Variants in CMSS1 observed in about 807,000 individuals in gnomAD.
CMSS1 encodes the protein cms1 ribosomal small subunit homolog, also known as protein CMSS1.
CMSS1 carries 33 observed loss-of-function variants against 43.5 expected under a neutral mutation model. That is an observed-to-expected ratio of 0.76 (90% CI 0.57 to 1.01). The LOEUF is 1.01. CMSS1 is among the 50% of genes least tolerant of loss of function. CMSS1 has a pLI of 0.00. For missense variants in CMSS1, 313 were observed against 326.4 expected, an observed-to-expected ratio of 0.96 and a Z score of 0.32; for synonymous variants, 115 against 117.2, an observed-to-expected ratio of 0.98 and a Z score of 0.12.
intron 1 of CMSS1, among the ~76,000 whole-genome samples, chr3:99,929,097 C>G (rs1387309578): frequency 1.3e-5 from 2 of 152,138 alleles, no homozygotes; most frequent in East Asian, 3.8e-4. Context: ...CTAGTTGTTT[C>G]TTTTCTATAA....
chr3:99,826,321 T>A (rs971142624), intron 1 of CMSS1, among the ~76,000 whole-genome samples: 1 of 152,188 alleles, frequency 6.6e-6, no homozygotes, highest in African/African-American at 2.4e-5. Context: ...AGACCAGAGG[T>A]CAGCAAACTT....
At chr3:99,848,839 A>T in intron 1 of CMSS1, 4 of 1,614,080 alleles carry the variant, frequency 2.5e-6, no homozygotes, top group Non-Finnish European at 3.4e-6. Flanking sequence ...GAGGATGGTT[A>T]TCCTTTGCTT....
intron 1 of CMSS1, among the ~76,000 whole-genome samples, chr3:100,127,331 C>A (rs1185392302): frequency 1.3e-5 from 2 of 152,192 alleles, no homozygotes; most frequent in Non-Finnish European, 2.9e-5. Context: ...GAGCAGGGCC[C>A]AGGCTCTTCT....
chr3:99,940,284 G>A (rs183248910), intron 1 of CMSS1, among the ~76,000 whole-genome samples: 75 of 152,284 alleles, frequency 4.9e-4, no homozygotes, highest in Admixed American at 8.5e-4. Context: ...ATTTTTAAAT[G>A]CCACACTTCC....
chr3:99,849,607 G>C (rs1473514552), intron 1 of CMSS1: 1 of 1,613,190 alleles, frequency 6.2e-7, no homozygotes. Flanking sequence ...TGTCTTTTCT[G>C]CTAACTTGTA....
At chr3:99,928,615 G>A (rs564874064) in intron 1 of CMSS1, among the ~76,000 whole-genome samples, 15 of 152,204 alleles carry the variant, frequency 9.9e-5, no homozygotes, top group South Asian at 4.2e-4. Flanking sequence ...TTTTCCCACC[G>A]ATTTCAACAT....
intron 1 of CMSS1, among the ~76,000 whole-genome samples, chr3:99,886,969 CAA>C (rs544548363): frequency 2.3e-4 from 21 of 89,750 alleles, no homozygotes; most frequent in Admixed American, 5.1e-4. Context: ...GACTCCATCT[CAA>C]AAAAAAAAAA....
intron 1 of CMSS1, among the ~76,000 whole-genome samples, chr3:99,838,528 G>C (rs1006226570): frequency 6.6e-6 from 1 of 152,254 alleles, no homozygotes; most frequent in Admixed American, 6.5e-5. Flanking sequence ...TCTGGCTGAA[G>C]TGGCAGATCT....
Position 100,117,852 on chromosome 3 carries a change from T to TATAC in CMSS1, c.65-29120_65-29119insTACA, listed in dbSNP as rs1232237863. On this transcript the variant is annotated intron_variant, in intron 1 of 9. Transcript: ENST00000421999. ...ATATATATATATATATATATATATA[T>TATAC]ACATATATATATATATATATATATA... Among the ~76,000 whole-genome samples the TATAC allele has an allele frequency of 6.9e-4, 62 of 90,474 alleles. 1 individual carries two copies. The highest frequency in any genetic ancestry group is 2.6e-3 in the African/African-American group (56 of 21,732). The allele number at this position is 90,474 out of a possible 152,430, so 59.4% of individuals were successfully genotyped here.
intron 1 of CMSS1, among the ~76,000 whole-genome samples, chr3:99,841,532 A>G (rs1200318773): frequency 6.6e-6 from 1 of 152,120 alleles, no homozygotes; most frequent in Non-Finnish European, 1.5e-5. Flanking sequence ...CACCTATCCA[A>G]AAGCCTCAGG....
intron 1 of CMSS1, among the ~76,000 whole-genome samples, chr3:99,955,175 G>GT (rs1278385014): frequency 6.6e-6 from 1 of 152,186 alleles, no homozygotes; most frequent in Non-Finnish European, 1.5e-5. Context: ...ATGGGGTGCT[G>GT]TTTTTTCTAT....
At chr3:99,963,955 C>T (rs779875535) in intron 1 of CMSS1, among the ~76,000 whole-genome samples, 4 of 152,044 alleles carry the variant, frequency 2.6e-5, no homozygotes, top group Non-Finnish European at 5.9e-5. Flanking sequence ...TGTGTCATAA[C>T]GAAAATGATC....
At position 100,159,862 on chromosome 3, in the gene CMSS1, A is replaced by T. The variant is rs1343966156; in HGVS notation, c.154-568A>T. ...CGGTTATCAGACTAGTAGCAAAGACATTCATTTTGTAGTCATTATAGCAAA... is the reference window on the plus strand; with the variant it reads ...CGGTTATCAGACTAGTAGCAAAGACTTTCATTTTGTAGTCATTATAGCAAA... On this transcript the variant is annotated intron_variant, in intron 2 of 9. Transcript: ENST00000421999. The T allele has an allele frequency of 5.3e-5, 24 of 456,468 alleles. No homozygotes were observed. The Admixed American group carries it at 5.6e-4, about 11-fold the overall frequency. The allele number at this position is 456,468 out of a possible 1,614,324, so 28.3% of individuals were successfully genotyped here.
At chr3:100,178,177 C>T in intron 9 of CMSS1, 128 bp from the exon 10 acceptor site, 1 of 570,392 alleles carries the variant, frequency 1.8e-6, no homozygotes, top group Non-Finnish European at 3.2e-6. Flanking sequence ...TGTGTTAGGA[C>T]TTTTGCACTC....
chr3:100,124,818 C>T (rs1248470827), intron 1 of CMSS1, among the ~76,000 whole-genome samples: 1 of 152,144 alleles, frequency 6.6e-6, no homozygotes, highest in African/African-American at 2.4e-5. Context: ...GTTGCTGCTG[C>T]TGCTCTTTAT....
intron 1 of CMSS1, among the ~76,000 whole-genome samples, chr3:99,947,137 CAAAAAAAAAAA>C (rs397829321): frequency 1.1e-5 from 1 of 88,826 alleles, no homozygotes; most frequent in Non-Finnish European, 2.1e-5. Flanking sequence ...GACTCTGTCT[CAAAAAAAAAAA>C]AAAAAAAAAG....
At chr3:99,933,845 TTTTA>T (rs1256606009) in intron 1 of CMSS1, among the ~76,000 whole-genome samples, 1 of 152,206 alleles carries the variant, frequency 6.6e-6, no homozygotes, top group East Asian at 1.9e-4. Flanking sequence ...GGCTTGCTCC[TTTTA>T]CTTTGTGCCC....
intron 1 of CMSS1, among the ~76,000 whole-genome samples, chr3:99,889,804 C>G (rs1004547197): frequency 6.6e-6 from 1 of 151,926 alleles, no homozygotes; most frequent in Non-Finnish European, 1.5e-5. Context: ...TAATCCTCCT[C>G]CAAAAAAATC....
At chr3:99,871,803 C>T (rs1283344740) in intron 1 of CMSS1, among the ~76,000 whole-genome samples, 2 of 152,192 alleles carry the variant, frequency 1.3e-5, no homozygotes, top group African/African-American at 2.4e-5. Context: ...CTCTCACCTT[C>T]CAAGTAGAGA....
Sources: allele counts gnomAD v4.1 joint callset (sites outside exome capture counted in the v4.1 genomes callset), GRCh38; gene constraint gnomAD v4.1.1; transcripts MANE v1.5; gene names NCBI Gene and HGNC (gene_info 2026-07-23, HGNC 2026-07-21).